The following KCNH7 variants were observed in gnomAD, a reference collection of about 807,000 sequenced individuals.
The protein encoded by KCNH7 is potassium voltage-gated channel subfamily H member 7.
Under a neutral mutation model 120.8 loss-of-function variants are expected in KCNH7, and 49 were observed. The ratio of observed to expected loss-of-function variants is 0.41; its 90% CI spans 0.32 to 0.51. The LOEUF is 0.51. KCNH7 is among the 20% of genes least tolerant of loss of function. KCNH7 has a pLI of 0.38. For missense variants in KCNH7, 1,097 were observed against 1,446.6 expected, an observed-to-expected ratio of 0.76 and a Z score of 3.92; for synonymous variants, 547 against 516.1, an observed-to-expected ratio of 1.06 and a Z score of -0.81.
chr2:162,638,901 G>A (rs944133130), intron 2 of KCNH7, among the ~76,000 whole-genome samples: 13 of 152,082 alleles, frequency 8.5e-5, no homozygotes, highest in African/African-American at 1.9e-4. Context: ...ACATATTCAC[G>A]CACAGACATC....
At chr2:162,399,605 T>C (rs1293835900) in intron 10 of KCNH7, among the ~76,000 whole-genome samples, 1 of 151,870 alleles carries the variant, frequency 6.6e-6, no homozygotes, top group Non-Finnish European at 1.5e-5. Context: ...GTGTTTTCTT[T>C]TGCACCCAAA....
At chr2:162,564,743 A>G (rs1693193281) in intron 2 of KCNH7, among the ~76,000 whole-genome samples, 1 of 152,164 alleles carries the variant, frequency 6.6e-6, no homozygotes, top group Admixed American at 6.6e-5. Context: ...CTGTAAAATT[A>G]CTACATGGTT....
intron 2 of KCNH7, chr2:162,784,872 CTT>C (rs1398636523): frequency 6.6e-6 from 1 of 152,144 alleles, no homozygotes; most frequent in Non-Finnish European, 1.5e-5. Flanking sequence ...TAAAAGGAAT[CTT>C]TGACAAAATT....
chr2:162,809,213 G>A (rs1267243482), intron 2 of KCNH7, among the ~76,000 whole-genome samples: 1 of 152,150 alleles, frequency 6.6e-6, no homozygotes, highest in East Asian at 1.9e-4. Context: ...ACAGAAAGTT[G>A]AAGACAAAAA....
intron 2 of KCNH7, among the ~76,000 whole-genome samples, chr2:162,743,787 T>G (rs1427014403): frequency 1.3e-5 from 2 of 152,210 alleles, no homozygotes; most frequent in African/African-American, 4.8e-5. Flanking sequence ...CACCAGTTCC[T>G]TGGTTACTCA....
At chr2:162,601,166 G>A (rs1694538247) in intron 2 of KCNH7, among the ~76,000 whole-genome samples, 1 of 151,964 alleles carries the variant, frequency 6.6e-6, no homozygotes, top group Non-Finnish European at 1.5e-5. Flanking sequence ...ATTGGTTAAT[G>A]TATGGTTCAC....
At chr2:162,471,478 T>C (rs1283118578) in intron 6 of KCNH7, among the ~76,000 whole-genome samples, 1 of 152,126 alleles carries the variant, frequency 6.6e-6, no homozygotes, top group East Asian at 1.9e-4. Flanking sequence ...GGAGATGGTG[T>C]GGGTGAAGAG....
At chr2:162,638,644 T>G (rs1157336161) in intron 2 of KCNH7, among the ~76,000 whole-genome samples, 1 of 152,114 alleles carries the variant, frequency 6.6e-6, no homozygotes, top group African/African-American at 2.4e-5. Flanking sequence ...ATCAGCAATA[T>G]GTACTAGAAA....
chr2:162,805,999 G>A (rs538096357), intron 2 of KCNH7, among the ~76,000 whole-genome samples: 7 of 152,058 alleles, frequency 4.6e-5, no homozygotes, highest in Non-Finnish European at 8.8e-5. Flanking sequence ...ACCAAATACC[G>A]TATGTTCTCA....
intron 2 of KCNH7, among the ~76,000 whole-genome samples, chr2:162,545,003 T>C (rs1692430104): frequency 6.6e-6 from 1 of 152,206 alleles, no homozygotes; most frequent in South Asian, 2.1e-4. Flanking sequence ...GTTTTCTGAA[T>C]GTCTTCCATG....
intron 2 of KCNH7, among the ~76,000 whole-genome samples, chr2:162,595,837 A>C (rs1272562410): frequency 6.6e-6 from 1 of 152,074 alleles, no homozygotes; most frequent in Non-Finnish European, 1.5e-5. Context: ...CCACCAAGAA[A>C]TGTTAGAACA....
At chr2:162,733,119 C>A (rs1024156323) in intron 2 of KCNH7, among the ~76,000 whole-genome samples, 1 of 152,092 alleles carries the variant, frequency 6.6e-6, no homozygotes, top group African/African-American at 2.4e-5. Flanking sequence ...GTGGGCTTGG[C>A]TCTCAGAGCT....
chr2:162,426,617 A>G (rs1687873578), intron 8 of KCNH7, among the ~76,000 whole-genome samples: 1 of 152,158 alleles, frequency 6.6e-6, no homozygotes, highest in African/African-American at 2.4e-5. Flanking sequence ...CCATACTAAT[A>G]TATTTGGTTG....
At chr2:162,382,476 A>T (rs990001218) in intron 13 of KCNH7, among the ~76,000 whole-genome samples, 1 of 152,080 alleles carries the variant, frequency 6.6e-6, no homozygotes, top group African/African-American at 2.4e-5. Context: ...TAGTTGCAAG[A>T]CACATTTCTG....
chr2:162,689,070 T>C (rs1261865449), intron 2 of KCNH7, among the ~76,000 whole-genome samples: 1 of 152,096 alleles, frequency 6.6e-6, no homozygotes, highest in Admixed American at 6.6e-5. Flanking sequence ...CTTCAATAAA[T>C]AGTATCTATT....
chr2:162,481,663 G>C (rs374735808), intron 6 of KCNH7, among the ~76,000 whole-genome samples: 7 of 152,118 alleles, frequency 4.6e-5, no homozygotes, highest in African/African-American at 1.7e-4. Flanking sequence ...GGCTTGCCTG[G>C]AACTTAGTAT....
At chr2:162,387,651 TTCTCCCTTG>T (rs1686614278) in intron 12 of KCNH7, among the ~76,000 whole-genome samples, 1 of 151,662 alleles carries the variant, frequency 6.6e-6, no homozygotes, top group South Asian at 2.1e-4. Context: ...AAAACTTTTT[TTCTCCCTTG>T]TTTCTTTAGG....
At chr2:162,635,781 T>G (rs1413715277) in intron 2 of KCNH7, among the ~76,000 whole-genome samples, 1 of 152,070 alleles carries the variant, frequency 6.6e-6, no homozygotes, top group Non-Finnish European at 1.5e-5. Context: ...CTATTAAACA[T>G]TTGAAATTTT....
intron 2 of KCNH7, among the ~76,000 whole-genome samples, chr2:162,619,456 T>C (rs1409095660): frequency 2.0e-5 from 2 of 101,086 alleles, no homozygotes; most frequent in Non-Finnish European, 3.8e-5. Context: ...GGACACTCAA[T>C]TGTTAAAAAA....
Sources: allele counts gnomAD v4.1 joint callset (sites outside exome capture counted in the v4.1 genomes callset), GRCh38; gene constraint gnomAD v4.1.1; transcripts MANE v1.5; gene names NCBI Gene and HGNC (gene_info 2026-07-23, HGNC 2026-07-21).